DPP9: variants seen among roughly 807,000 people sequenced by gnomAD.
DPP9 encodes the protein dipeptidyl peptidase IV-related protein-2.
In DPP9, 50 loss-of-function variants were observed where a neutral mutation model predicts 110.7. That is an observed-to-expected ratio of 0.45 (90% confidence interval 0.36 to 0.57). The LOEUF (loss-of-function observed/expected upper bound fraction) is 0.57, where lower values mean the gene tolerates loss of function less well. DPP9 is among the 20% of genes least tolerant of loss of function. DPP9 has a pLI of 0.00. For synonymous variants in DPP9, 561 were observed against 514.4 expected (o/e 1.09, Z -1.23); for missense variants, 1,022 against 1,217.9 (o/e 0.84, Z 2.39).
chr19:4,692,591 A>G (rs1219739289), intron 13 of DPP9, among the ~76,000 whole-genome samples: 1 of 152,080 alleles, frequency 6.6e-6, no homozygotes, highest in Non-Finnish European at 1.5e-5. Context: ...GGTGCTGGGA[A>G]ATCTGGTGTG....
chr19:4,706,059 C>G, intron 4 of DPP9, 89 bp from the exon 5 acceptor site: 2 of 1,176,432 alleles, frequency 1.7e-6, no homozygotes, highest in Non-Finnish European at 2.4e-6. Flanking sequence ...AGCTGGTTCC[C>G]TCTGCTTCTA....
At chr19:4,705,720 G>C (rs575992520) in intron 5 of DPP9, 138 bp downstream of exon 5, 2 of 732,642 alleles carry the variant, frequency 2.7e-6, no homozygotes, top group Middle Eastern at 3.8e-4. Flanking sequence ...TCACCCGCCA[G>C]AGTCCACAGG....
At position 4,692,109 on chromosome 19, in the gene DPP9, C is replaced by T. The variant is rs142760344; in HGVS notation, c.1517-1152G>A. ...GTGCTGGGATTCCAGGTGTGAGCCA[C>T]ATCCCCGGCTGGAACAAGATGCTGG... On this transcript the variant is annotated intron_variant, in intron 13 of 21. Transcript: ENST00000262960. Among the ~76,000 whole-genome samples, 166 of 152,248 alleles carry T rather than the reference C, an allele frequency of 1.1e-3. 1 individual carries two copies. The highest frequency in any genetic ancestry group is 3.6e-3 in the African/African-American group (149 of 41,574).
intron 8 of DPP9, 40 bp downstream of exon 8, chr19:4,702,563 A>G: frequency 6.7e-7 from 1 of 1,484,482 alleles, no homozygotes. Context: ...CAGGAGGAAA[A>G]GCACGCCCGG....
chr19:4,690,980 G>A (rs1368326061), intron 13 of DPP9, 23 bp from the exon 14 acceptor site: 1 of 1,591,980 alleles, frequency 6.3e-7, no homozygotes, highest in Non-Finnish European at 8.6e-7. Flanking sequence ...AAAGAAGGGA[G>A]GTGAAGGGGC....
At chr19:4,716,240 A>C (rs920141462) in intron 3 of DPP9, 1 of 152,258 alleles carries the variant, frequency 6.6e-6, no homozygotes, top group Non-Finnish European at 1.5e-5. Flanking sequence ...GCCTCTTGCC[A>C]AGAGGAGACC....
intron 4 of DPP9, among the ~76,000 whole-genome samples, chr19:4,707,612 C>A (rs1416344095): frequency 7.3e-6 from 1 of 137,598 alleles, no homozygotes; most frequent in Non-Finnish European, 1.5e-5. Flanking sequence ...TCCTCATACT[C>A]GCTTTTTTTT....
chr19:4,705,914 CCTT>C lies in DPP9; in HGVS notation c.367_369del (p.Lys123del). 1 of 1,613,968 alleles carries C rather than the reference CCTT, an allele frequency of 6.2e-7. No individual in the cohort carries two copies. The highest frequency in any genetic ancestry group is 8.5e-7 in the Non-Finnish European group (1 of 1,179,850). The stretch of plus-strand genomic sequence containing the variant: ...AGGAGCAGCAGAGCCTCTTTCCGGA[CCTT>C]CTTGGGAATCTCAGAGTAGAGGAGG... On this transcript the variant is annotated inframe_deletion, in exon 5 of 22. Coordinates refer to ENST00000262960, the MANE Select transcript of DPP9 (RefSeq NM_139159.5).
At chr19:4,712,083 A>T in intron 4 of DPP9, among the ~76,000 whole-genome samples, 1 of 152,166 alleles carries the variant, frequency 6.6e-6, no homozygotes. Context: ...AGCAACCCCA[A>T]CGGGAGCAAG....
Position 4,682,544 on chromosome 19 carries a change from G to A in DPP9, c.2474+152C>T, listed in dbSNP as rs1433074382. On this transcript the variant is annotated intron_variant, in intron 20 of 21. Transcript: ENST00000262960. The surrounding 1 kb of genome is among the most constrained non-coding windows in gnomAD (Gnocchi z 7.1). ...GACTGTGAGGCACATGCAGGCAGACGCCACCACAGGAGCACAGCGGGGAGG... is the reference window on the plus strand; with the variant it reads ...GACTGTGAGGCACATGCAGGCAGACACCACCACAGGAGCACAGCGGGGAGG... 2.6e-5 allele frequency among the ~76,000 whole-genome samples: 4 copies of A among 152,158 alleles called. No homozygotes were observed. The highest frequency in any genetic ancestry group is 9.7e-5 in the African/African-American group (4 of 41,442).
At chr19:4,722,143 G>A (rs1412230080) in intron 2 of DPP9, 2 of 264,702 alleles carry the variant, frequency 7.6e-6, no homozygotes, top group Non-Finnish European at 1.4e-5. Context: ...ACAGGAAGGG[G>A]GAGACTCAAA....
chr19:4,676,240 G>T lies in DPP9; in HGVS notation c.*324C>A. ...GGGAGCCCCAGGCGGAAGGCAGCCC[G>T]CTCCTCTGAGTCTCTTCTGGCCTCT... On this transcript the variant is annotated 3_prime_UTR_variant, in exon 22 of 22. Coordinates refer to ENST00000262960, the MANE Select transcript of DPP9 (RefSeq NM_139159.5). This position sits in a 1 kb window ranked among gnomAD's most constrained non-coding sequence, Gnocchi z 4.0. 3.1e-6 allele frequency: 1 copy of T among 318,338 alleles called. No homozygotes were observed. Among genetic ancestry groups the T allele is most frequent in the Non-Finnish European group, 5.9e-6 (1 of 168,974 alleles). The allele number at this position is 318,338 out of a possible 1,614,324, so 19.7% of individuals were successfully genotyped here. A position where few individuals can be genotyped will look rare whatever the true frequency, so the allele number is the denominator to read the frequency against.
In DPP9 at chr19:4,704,382, G is replaced by A. The variant is rs2092467166; in HGVS notation, c.427-78C>T. ...CGCTGGCCAGGGCAGAGATCCTCGG[G>A]CTGGGGCATTCCCAGGGAATCTGAC... On this transcript the variant is annotated intron_variant, in intron 5 of 21. Transcript: ENST00000262960. This position sits in a 1 kb window ranked among gnomAD's most constrained non-coding sequence, Gnocchi z 6.0. The A allele has an allele frequency of 2.0e-6, 3 of 1,506,016 alleles. No individual in the cohort carries two copies. The highest frequency in any genetic ancestry group is 2.7e-6 in the Non-Finnish European group (3 of 1,109,104). The allele number at this position is 1,506,016 out of a possible 1,614,324, so 93.3% of individuals were successfully genotyped here.
rs370672436 is a variant in DPP9 at position 4,723,283 on chromosome 19, T to G, written c.-89+391A>C. On this transcript the variant is annotated intron_variant, in intron 1 of 21. Transcript: ENST00000262960. ...CATTTGCATGGGGAGAGGGAGGAGATCGGGACCTCCAGAGCCTGCACGAAA... is the reference window on the plus strand; with the variant it reads ...CATTTGCATGGGGAGAGGGAGGAGAGCGGGACCTCCAGAGCCTGCACGAAA... 1.1e-4 allele frequency among the ~76,000 whole-genome samples: 16 copies of G among 151,212 alleles called. No homozygotes were observed. In the East Asian group the frequency reaches 2.7e-3, roughly 26 times the overall value.
At chr19:4,679,792 C>G (rs371679198) in intron 21 of DPP9, 43 bp downstream of exon 21, 13 of 1,411,198 alleles carry the variant, frequency 9.2e-6, no homozygotes, top group Admixed American at 1.9e-5. Flanking sequence ...TCCCAGGGAT[C>G]TGTCGGCTCG....
At chr19:4,706,721 C>T (rs2092603984) in intron 4 of DPP9, among the ~76,000 whole-genome samples, 1 of 152,204 alleles carries the variant, frequency 6.6e-6, no homozygotes, top group Non-Finnish European at 1.5e-5. Flanking sequence ...CAGGCTGAGG[C>T]AGGAGAATCA....
chr19:4,719,729 G>C (rs1191883686), intron 3 of DPP9, 122 bp downstream of exon 3: 1 of 1,148,456 alleles, frequency 8.7e-7, no homozygotes, highest in Non-Finnish European at 1.3e-6. Flanking sequence ...GAACAGTCTT[G>C]GGGACGTGCT....
intron 10 of DPP9, 44 bp from the exon 11 acceptor site, chr19:4,697,695 G>T: frequency 6.4e-7 from 1 of 1,554,288 alleles, no homozygotes; most frequent in Non-Finnish European, 8.8e-7. Flanking sequence ...TGGCCTGCCC[G>T]GCGCTGCTCG....
rs2090629334 is a variant in DPP9 at position 4,685,878 on chromosome 19, CT to C, written c.1886-108del. The C allele has an allele frequency of 3.0e-6, 4 of 1,329,858 alleles. No individual in the cohort carries two copies. Among genetic ancestry groups the C allele is most frequent in the Non-Finnish European group, 3.1e-6 (3 of 982,212 alleles). 82.4% of individuals were successfully genotyped at this position (1,329,858 alleles called of 1,614,324 possible). On this transcript the variant is annotated intron_variant, in intron 16 of 21. Coordinates refer to ENST00000262960, the MANE Select transcript of DPP9 (RefSeq NM_139159.5). This position sits in a 1 kb window ranked among gnomAD's most constrained non-coding sequence, Gnocchi z 5.8. The stretch of plus-strand genomic sequence containing the variant: ...CTTGGAGGGTGGACCAAAGCACCCC[CT>C]CTTTTCCTGGGCTTCCCGAGAGTTG...
Sources: allele counts gnomAD v4.1 joint callset (sites outside exome capture counted in the v4.1 genomes callset), GRCh38; gene constraint gnomAD v4.1.1; non-coding constraint Gnocchi (gnomAD v3.1); transcripts MANE v1.5; gene names NCBI Gene and HGNC (gene_info 2026-07-23, HGNC 2026-07-21).